The following RIPOR3 variants were observed in gnomAD, a reference collection of about 807,000 sequenced individuals.
RIPOR3 encodes RIPOR family member 3.
In RIPOR3, 95 loss-of-function variants were observed where a neutral mutation model predicts 114.3. That is an observed-to-expected ratio of 0.83 (90% confidence interval 0.70 to 0.99). The LOEUF is 0.99. RIPOR3 is among the 50% of genes least tolerant of loss of function. The pLI is 0.00. For missense variants in RIPOR3, 1,252 were observed against 1,266.9 expected, an observed-to-expected ratio of 0.99 and a Z score of 0.18; for synonymous variants, 575 against 543.8, an observed-to-expected ratio of 1.06 and a Z score of -0.80.
At chr20:50,607,342 A>G (rs879691913) in intron 11 of RIPOR3, among the ~76,000 whole-genome samples, 5 of 136,476 alleles carry the variant, frequency 3.7e-5, no homozygotes, top group Non-Finnish European at 7.0e-5. Context: ...GAGGCAAGTG[A>G]TGCTCAGCCT....
chr20:50,636,667 AC>A (rs1462006867), intron 1 of RIPOR3: 2 of 985,284 alleles, frequency 2.0e-6, no homozygotes, highest in Non-Finnish European at 2.4e-6. Flanking sequence ...TGCCGTTCAG[AC>A]CCGGCTGGTG....
Position 50,611,389 on chromosome 20 carries a change from C to T in RIPOR3, c.349-185G>A, listed in dbSNP as rs572047142. On this transcript the variant is annotated intron_variant, in intron 4 of 21. Coordinates refer to ENST00000327979, the MANE Select transcript of RIPOR3 (RefSeq NM_001290268.2). Reference sequence around the variant, plus strand: ...ACTGCTGTCCACGCCAAGGACAGCACTGATTAAACACATGCACGTGGGATG... The same window carrying T: ...ACTGCTGTCCACGCCAAGGACAGCATTGATTAAACACATGCACGTGGGATG... 2.0e-5 allele frequency among the ~76,000 whole-genome samples: 3 copies of T among 152,358 alleles called. No individual in the cohort carries two copies. The South Asian group carries it at 6.2e-4, about 32-fold the overall frequency.
At chr20:50,649,159 T>C (rs1568923368) in intron 1 of RIPOR3, among the ~76,000 whole-genome samples, 1 of 152,104 alleles carries the variant, frequency 6.6e-6, no homozygotes, top group Non-Finnish European at 1.5e-5. Flanking sequence ...GGTATTGAAT[T>C]AGAGGCAGGG....
intron 1 of RIPOR3, among the ~76,000 whole-genome samples, chr20:50,679,161 C>G (rs760733663): frequency 0.014 from 1,449 of 102,994 alleles, 107 homozygotes; most frequent in Admixed American, 0.11. Context: ...CACACACACA[C>G]ACACAGAGAG....
At position 50,616,164 on chromosome 20, in the gene RIPOR3, G is replaced by A. The variant is rs554171825; in HGVS notation, c.270-84C>T. On this transcript the variant is annotated intron_variant, in intron 3 of 21. Transcript: ENST00000327979. ...TAGGCCAAATGGACAATGTCCCCAC[G>A]TGGAGAGCAGACACGGGGCTCAGCG... is the stretch of plus-strand genomic sequence containing the variant. 8.2e-4 allele frequency: 1,129 copies of A among 1,382,846 alleles called. 19 individuals carry two copies. In the South Asian group the frequency reaches 0.013, roughly 16 times the overall value. The allele number at this position is 1,382,846 out of a possible 1,614,324, so 85.7% of individuals were successfully genotyped here. A position where few individuals can be genotyped will look rare whatever the true frequency, so the allele number is the denominator to read the frequency against.
intron 4 of RIPOR3, among the ~76,000 whole-genome samples, chr20:50,611,610 A>G (rs969005400): frequency 1.2e-4 from 18 of 152,322 alleles, no homozygotes; most frequent in African/African-American, 4.3e-4. Flanking sequence ...CGGCCATGAC[A>G]AAAGAACATG....
intron 20 of RIPOR3, 80 bp from the exon 21 acceptor site, chr20:50,587,972 G>T: frequency 7.4e-7 from 1 of 1,342,868 alleles, no homozygotes; most frequent in Non-Finnish European, 1.1e-6. Context: ...GCCCTGCAGG[G>T]CCAGTCCTAG....
chr20:50,593,017 C>T lies in RIPOR3; in HGVS notation c.2374+18G>A, dbSNP rs1267034317. 4 of 1,613,068 alleles carry T rather than the reference C, an allele frequency of 2.5e-6. No homozygotes were observed. In the South Asian group the frequency reaches 4.4e-5, roughly 18 times the overall value. ...GTGGATATTCCTCTGCTATGACAGC[C>T]ACCCACCCCAGTCTTACCTTCCTTG... On this transcript the variant is annotated intron_variant, in intron 18 of 21. Transcript: ENST00000327979.
At chr20:50,589,908 T>A in intron 19 of RIPOR3, 139 bp from the exon 20 acceptor site, 1 of 701,530 alleles carries the variant, frequency 1.4e-6, no homozygotes. Context: ...ACACGATCGG[T>A]CCATCTTTGG....
At chr20:50,660,749 C>CT (rs58201824) in intron 1 of RIPOR3, among the ~76,000 whole-genome samples, 15,293 of 83,250 alleles carry the variant, frequency 0.18, 1,781 homozygotes, top group African/African-American at 0.29. Flanking sequence ...TGGGATTTAC[C>CT]TTTTTTTTTT....
chr20:50,616,430 C>T (rs1005737267), intron 3 of RIPOR3, among the ~76,000 whole-genome samples: 5 of 152,194 alleles, frequency 3.3e-5, no homozygotes, highest in Non-Finnish European at 7.3e-5. Context: ...GCAACCTCTA[C>T]TTCCTGGGTT....
chr20:50,606,693 G>A (rs999449518), intron 11 of RIPOR3, among the ~76,000 whole-genome samples: 5 of 151,460 alleles, frequency 3.3e-5, no homozygotes, highest in East Asian at 2.0e-4. Context: ...CCACATGCTC[G>A]GGCCCACTCC....
At chr20:50,664,912 G>C (rs984517317) in intron 1 of RIPOR3, among the ~76,000 whole-genome samples, 1 of 151,860 alleles carries the variant, frequency 6.6e-6, no homozygotes, top group Non-Finnish European at 1.5e-5. Flanking sequence ...GACCAGCCTG[G>C]CCAACATGGC....
At chr20:50,688,033 G>A (rs907352899) in intron 1 of RIPOR3, among the ~76,000 whole-genome samples, 1 of 148,652 alleles carries the variant, frequency 6.7e-6, no homozygotes, top group Non-Finnish European at 1.5e-5. Flanking sequence ...CAGTTTTGTT[G>A]ATTTTTGCCC....
intron 4 of RIPOR3, among the ~76,000 whole-genome samples, chr20:50,614,283 G>A (rs1024073891): frequency 2.6e-5 from 4 of 152,084 alleles, no homozygotes; most frequent in Admixed American, 1.3e-4. Flanking sequence ...TGATCCACCC[G>A]CCTTGGCCTC....
Position 50,597,666 on chromosome 20 carries a change from C to T in RIPOR3, c.1704G>A (p.Met568Ile), listed in dbSNP as rs940220085. ...AGGCGAAGCTCTCCAGGATGCACTC[C>T]ATCAGGCTCTCGGCCGAGGTGTGCT... is the stretch of plus-strand genomic sequence containing the variant. ...RQEHTSAESL[M>I]ECILESFAFL... The change falls in exon 14 of 22, where the codon ATG (methionine) becomes ATA (isoleucine). Residue 568 changes from methionine to isoleucine, a missense_variant. Physicochemically the swap from Met to Ile is conservative, Grantham distance 10. Transcript: ENST00000327979. 17 of 1,612,342 alleles carry T rather than the reference C, an allele frequency of 1.1e-5. No homozygotes were observed. The highest frequency in any genetic ancestry group is 1.4e-5 in the Non-Finnish European group (16 of 1,179,266).
At position 50,587,162 on chromosome 20, in the gene RIPOR3, G is replaced by A; in HGVS notation, c.*70C>T. ...AGTGCACAGCACCATTACCCAGAGT[G>A]CAGGCTATGTCCAGGCTGGGCAGCA... On this transcript the variant is annotated 3_prime_UTR_variant, in exon 22 of 22. Coordinates refer to ENST00000327979, the MANE Select transcript of RIPOR3 (RefSeq NM_001290268.2). The A allele has an allele frequency of 8.5e-7, 1 of 1,180,748 alleles. No homozygotes were observed. The highest frequency in any genetic ancestry group is 1.3e-6 in the Non-Finnish European group (1 of 794,746). 73.1% of individuals were successfully genotyped at this position (1,180,748 alleles called of 1,614,324 possible). A position where few individuals can be genotyped will look rare whatever the true frequency, so the allele number is the denominator to read the frequency against.
chr20:50,637,908 A>AATTATT (rs1047748255), intron 1 of RIPOR3, among the ~76,000 whole-genome samples: 1 of 151,500 alleles, frequency 6.6e-6, no homozygotes, highest in South Asian at 2.1e-4. Context: ...TAAATACATA[A>AATTATT]ATTATTATTA....
chr20:50,654,267 A>G (rs1330324926), intron 1 of RIPOR3, among the ~76,000 whole-genome samples: 1 of 147,838 alleles, frequency 6.8e-6, no homozygotes, highest in African/African-American at 2.5e-5. Context: ...CCCGGGTTCA[A>G]GTGATTCTCC....
Sources: gnomAD v4.1 joint callset for allele counts (sites outside exome capture counted in the v4.1 genomes callset) on GRCh38, gnomAD v4.1.1 for gene constraint, MANE v1.5 for transcripts, NCBI Gene and HGNC (gene_info 2026-07-23, HGNC 2026-07-21) for gene names.